Variants in NAA16 observed in about 807,000 individuals in gnomAD.
NAA16 encodes the protein N-alpha-acetyltransferase 16, NatA auxiliary subunit, also known as NARG1-like protein.
In NAA16, 97 loss-of-function variants were observed where a neutral mutation model predicts 110.3. The ratio of observed to expected loss-of-function variants is 0.88; its 90% CI spans 0.75 to 1.04. NAA16 has a LOEUF of 1.04. Ranked by LOEUF, NAA16 falls within the 50% of genes least tolerant of loss-of-function variation. The pLI, the probability that NAA16 is intolerant of heterozygous loss-of-function variation, is 0.00. For synonymous variants in NAA16, 372 were observed against 330.6 expected (o/e 1.13, Z -1.36); for missense variants, 1,017 against 1,005.1 (o/e 1.01, Z -0.16).
chr13:41,330,622 T>C (rs1475983394), intron 7 of NAA16, among the ~76,000 whole-genome samples: 1 of 152,070 alleles, frequency 6.6e-6, no homozygotes, highest in Admixed American at 6.6e-5. Flanking sequence ...TTGCTTATTG[T>C]TGTTTCAGAG....
chr13:41,336,824 A>AAGT, intron 9 of NAA16, 68 bp downstream of exon 9: 1 of 871,300 alleles, frequency 1.1e-6, no homozygotes, highest in South Asian at 1.7e-5. Flanking sequence ...ATGTCCATGT[A>AAGT]AATAATGTGC....
chr13:41,331,485 G>A, intron 8 of NAA16, 116 bp downstream of exon 8: 1 of 641,018 alleles, frequency 1.6e-6, no homozygotes, highest in Non-Finnish European at 2.6e-6. Flanking sequence ...TCTTGGAGTT[G>A]GGAGTGAACA....
At chr13:41,372,660 G>A (rs2043345091) in intron 16 of NAA16, 72 bp from the exon 17 acceptor site, 3 of 1,415,968 alleles carry the variant, frequency 2.1e-6, no homozygotes, top group Non-Finnish European at 2.8e-6. Flanking sequence ...GAACTTAAGT[G>A]AGACTGAAAT....
intron 6 of NAA16, among the ~76,000 whole-genome samples, chr13:41,327,020 G>A (rs536021466): frequency 2.0e-5 from 3 of 152,112 alleles, no homozygotes; most frequent in African/African-American, 4.8e-5. Context: ...GGAATCATAC[G>A]GTATGTAGCC....
chr13:41,350,115 A>G (rs1391147785), intron 9 of NAA16, among the ~76,000 whole-genome samples: 2 of 151,692 alleles, frequency 1.3e-5, no homozygotes, highest in African/African-American at 2.4e-5. Flanking sequence ...ACAAAAAAAT[A>G]CAAAAATCAG....
rs904982671 is a variant in NAA16, at chr13:41,311,274, G to A, written c.-255G>A. 3.6e-6 allele frequency: 2 copies of A among 551,200 alleles called. No homozygotes were observed. Among genetic ancestry groups the A allele is most frequent in the Non-Finnish European group, 6.3e-6 (2 of 315,434 alleles). The allele number at this position is 551,200 out of a possible 1,614,324, so 34.1% of individuals were successfully genotyped here. A position where few individuals can be genotyped will look rare whatever the true frequency, so the allele number is the denominator to read the frequency against. ...GACCCTGGCTGCCATCTTGCAGTGC[G>A]CGGGAACCGCCGCCGCCGCCGCTGG... On this transcript the variant is annotated 5_prime_UTR_variant, in exon 1 of 20. Coordinates refer to ENST00000379406, the MANE Select transcript of NAA16 (RefSeq NM_024561.5).
Position 41,312,484 on chromosome 13 carries a change from T to TC in NAA16, c.54+904dup, listed in dbSNP as rs140093366. Among the ~76,000 whole-genome samples the TC allele has an allele frequency of 8.1e-3, 1,239 of 152,310 alleles. 38 individuals carry two copies. The highest frequency in any genetic ancestry group is 0.053 in the Admixed American group (805 of 15,294). ...CAGCATTCCTTTGCTTTCCTCAGTA[T>TC]CCTCTGGCTACCCTAGGTTTTAAAC... On this transcript the variant is annotated intron_variant, in intron 1 of 19. Coordinates refer to ENST00000379406, the MANE Select transcript of NAA16 (RefSeq NM_024561.5).
At chr13:41,326,429 C>T (rs149463750) in intron 6 of NAA16, among the ~76,000 whole-genome samples, 67 of 152,248 alleles carry the variant, frequency 4.4e-4, no homozygotes, top group African/African-American at 1.5e-3. Context: ...AAGTTCCATA[C>T]AATTGTAGAA....
At chr13:41,339,857 C>G (rs1383323326) in intron 9 of NAA16, among the ~76,000 whole-genome samples, 3 of 152,140 alleles carry the variant, frequency 2.0e-5, no homozygotes, top group African/African-American at 7.2e-5. Flanking sequence ...CTGTGCCCGA[C>G]TAAGTTGCAT....
chr13:41,331,136 C>A, intron 7 of NAA16, 138 bp from the exon 8 acceptor site: 3 of 533,432 alleles, frequency 5.6e-6, no homozygotes, highest in Non-Finnish European at 1.0e-5. Context: ...TTTTAAATGT[C>A]ATTTTTACCA....
chr13:41,334,666 G>A (rs1303751942), intron 8 of NAA16, among the ~76,000 whole-genome samples: 2 of 152,118 alleles, frequency 1.3e-5, no homozygotes, highest in Non-Finnish European at 2.9e-5. Context: ...AGTAATCTGG[G>A]GATATGGTAT....
intron 8 of NAA16, among the ~76,000 whole-genome samples, chr13:41,335,061 A>T (rs577983729): frequency 6.6e-6 from 1 of 152,210 alleles, no homozygotes; most frequent in African/African-American, 2.4e-5. Flanking sequence ...TGCACAATCT[A>T]ATCAAATTTG....
At chr13:41,367,390 CATT>C (rs1271635180) in intron 13 of NAA16, 46 bp from the exon 14 acceptor site, 8 of 1,301,202 alleles carry the variant, frequency 6.1e-6, no homozygotes, top group Middle Eastern at 1.9e-4. Context: ...TAAAGGTAGA[CATT>C]ATTGACATAA....
At chr13:41,314,227 G>A (rs1445788401) in intron 1 of NAA16, among the ~76,000 whole-genome samples, 1 of 152,176 alleles carries the variant, frequency 6.6e-6, no homozygotes, top group Non-Finnish European at 1.5e-5. Context: ...TATAGTAAAT[G>A]CTTCCAATAG....
chr13:41,317,973 TA>T (rs1465628245), intron 2 of NAA16, among the ~76,000 whole-genome samples: 11 of 152,350 alleles, frequency 7.2e-5, no homozygotes, highest in Middle Eastern at 6.8e-3. Flanking sequence ...TGATGTTAAT[TA>T]GCCTAAGTAT....
intron 14 of NAA16, among the ~76,000 whole-genome samples, chr13:41,368,261 ATAGT>A (rs545474277): frequency 4.7e-4 from 71 of 152,300 alleles, no homozygotes; most frequent in Non-Finnish European, 8.2e-4. Flanking sequence ...TATTTGAGAA[ATAGT>A]TAGCATGAAA....
At chr13:41,370,458 G>A (rs2043293191) in intron 15 of NAA16, among the ~76,000 whole-genome samples, 1 of 152,196 alleles carries the variant, frequency 6.6e-6, no homozygotes, top group Non-Finnish European at 1.5e-5. Context: ...ACCATTTTGT[G>A]CAAATGCAGT....
At chr13:41,353,919 TAAAC>T (rs2042910846) in intron 9 of NAA16, among the ~76,000 whole-genome samples, 1 of 152,218 alleles carries the variant, frequency 6.6e-6, no homozygotes. Flanking sequence ...GTTTTTAAAT[TAAAC>T]AATCTTTGTT....
intron 4 of NAA16, 59 bp downstream of exon 4, chr13:41,320,883 T>A: frequency 6.8e-7 from 1 of 1,472,106 alleles, no homozygotes; most frequent in Non-Finnish European, 9.1e-7. Context: ...TAAGAGCGTG[T>A]CATTTCAGAA....
Sources: allele counts gnomAD v4.1 joint callset (sites outside exome capture counted in the v4.1 genomes callset), GRCh38; gene constraint gnomAD v4.1.1; transcripts MANE v1.5; gene names NCBI Gene and HGNC (gene_info 2026-07-23, HGNC 2026-07-21).